The following DNAH5 variants were observed in gnomAD, a reference collection of about 807,000 sequenced individuals.
The protein encoded by DNAH5 is axonemal beta dynein heavy chain 5.
DNAH5 carries 372 observed loss-of-function variants against 518.2 expected under a neutral mutation model. The ratio of observed to expected loss-of-function variants is 0.72; its 90% confidence interval spans 0.66 to 0.78. DNAH5 has a LOEUF of 0.78. Ranked by LOEUF, DNAH5 falls within the 30% of genes least tolerant of loss-of-function variation. The probability of loss-of-function intolerance (pLI) is 0.00; values close to 1 mark genes in which losing one functional copy is unlikely to be tolerated. For synonymous variants in DNAH5, 2,039 were observed against 2,025.9 expected (o/e 1.01, Z -0.17); for missense variants, 5,523 against 5,687.0 (o/e 0.97, Z 0.93).
chr5:13,928,012 T>A, intron 3 of DNAH5, 82 bp downstream of exon 3: 1 of 1,244,974 alleles, frequency 8.0e-7, no homozygotes, highest in Non-Finnish European at 1.2e-6. Context: ...AGGTCCGTTC[T>A]CACAGTAGCT....
intron 75 of DNAH5, 93 bp from the exon 76 acceptor site, chr5:13,708,428 C>T: frequency 9.2e-7 from 1 of 1,089,590 alleles, no homozygotes; most frequent in East Asian, 2.4e-5. Context: ...GGCCCAAATT[C>T]TTACTATTCC....
intron 30 of DNAH5, among the ~76,000 whole-genome samples, chr5:13,858,354 T>A (rs1419289668): frequency 1.3e-5 from 2 of 151,848 alleles, no homozygotes; most frequent in Non-Finnish European, 2.9e-5. Context: ...CACTCATAAG[T>A]GGGAGTTGAA....
At chr5:13,905,744 C>T (rs188565472) in intron 12 of DNAH5, among the ~76,000 whole-genome samples, 4 of 152,252 alleles carry the variant, frequency 2.6e-5, no homozygotes, top group African/African-American at 9.6e-5. Flanking sequence ...AACACTCATA[C>T]TATATGATCC....
At chr5:13,830,338 T>C (rs1580462588) in intron 36 of DNAH5, 125 bp from the exon 37 acceptor site, 5 of 982,284 alleles carry the variant, frequency 5.1e-6, no homozygotes, top group African/African-American at 3.3e-5. Flanking sequence ...GTGCAACAAA[T>C]AGATCTATGC....
At chr5:13,848,811 C>A (rs564034735) in intron 31 of DNAH5, among the ~76,000 whole-genome samples, 1 of 152,152 alleles carries the variant, frequency 6.6e-6, no homozygotes, top group African/African-American at 2.4e-5. Flanking sequence ...TGATGAGGAG[C>A]GGCTGTAAAT....
intron 68 of DNAH5, among the ~76,000 whole-genome samples, chr5:13,734,108 G>A (rs1561134274): frequency 6.6e-6 from 1 of 152,106 alleles, no homozygotes; most frequent in East Asian, 1.9e-4. Flanking sequence ...TGAAGGTGGA[G>A]CCCTTAGGAA....
chr5:13,754,519 C>G (rs564843118), intron 61 of DNAH5, among the ~76,000 whole-genome samples, 181 bp from the exon 62 acceptor site: 1 of 152,128 alleles, frequency 6.6e-6, no homozygotes, highest in Non-Finnish European at 1.5e-5. Context: ...CTCCTTTGCC[C>G]TGTCCTCTCT....
intron 30 of DNAH5, among the ~76,000 whole-genome samples, chr5:13,856,535 C>T (rs1426122666): frequency 6.6e-6 from 1 of 152,024 alleles, no homozygotes; most frequent in East Asian, 1.9e-4. Flanking sequence ...GCATCATCCT[C>T]ATACCAAAAC....
chr5:13,949,312 T>C (rs1200433330), upstream of DNAH5, among the ~76,000 whole-genome samples: 2 of 152,142 alleles, frequency 1.3e-5, no homozygotes, highest in Admixed American at 6.5e-5. Flanking sequence ...CTTTATACAA[T>C]TGCAATTTTA....
chr5:13,990,757 C>T (rs1278390730), intron 1 of DNAH5, among the ~76,000 whole-genome samples: 2 of 151,802 alleles, frequency 1.3e-5, no homozygotes, highest in East Asian at 3.9e-4. Context: ...ATCCCAGCTA[C>T]TTGGGAGGCT....
chr5:13,786,670 T>C (rs1756077120), intron 51 of DNAH5, among the ~76,000 whole-genome samples: 1 of 152,188 alleles, frequency 6.6e-6, no homozygotes, highest in South Asian at 2.1e-4. Context: ...AATGGTCAAG[T>C]GCTGAATGTC....
At chr5:14,004,958 G>A (rs142046656) in intron 1 of DNAH5, among the ~76,000 whole-genome samples, 3 of 152,052 alleles carry the variant, frequency 2.0e-5, no homozygotes, top group African/African-American at 7.2e-5. Flanking sequence ...ACCATCCCAC[G>A]CATGCTTCCA....
In DNAH5 at chr5:13,700,951, G is replaced by T. The variant is rs898517538; in HGVS notation, c.13492-80C>A. 2.1e-6 allele frequency: 3 copies of T among 1,415,620 alleles called. No homozygotes were observed. The African/African-American group carries it at 4.2e-5, about 20-fold the overall frequency. The allele number at this position is 1,415,620 out of a possible 1,614,324, so 87.7% of individuals were successfully genotyped here. ...AGAGCATAACAATAATGAAAGCTTG[G>T]CTCCGAATCACTCTAACTCGAAGGA... On this transcript the variant is annotated intron_variant, in intron 77 of 78. Transcript: ENST00000265104.
Position 13,984,023 on chromosome 5 carries a change from A to G in DNAH5, c.12+27625T>C, listed in dbSNP as rs183716021. 1.6e-3 allele frequency among the ~76,000 whole-genome samples: 246 copies of G among 152,198 alleles called. 1 individual carries two copies. The highest frequency in any genetic ancestry group is 3.4e-3 in the Middle Eastern group (1 of 294). On this transcript the variant is annotated intron_variant, in intron 1 of 78. Coordinates refer to the DNAH5 transcript ENST00000681290. ...CTAATCAGCTGATTTACAAATGGAG[A>G]GATTACCCTGGGTTATCCAGGAGAG...
chr5:13,739,976 C>T (rs1043662918), intron 65 of DNAH5, among the ~76,000 whole-genome samples: 2 of 152,172 alleles, frequency 1.3e-5, no homozygotes, highest in Non-Finnish European at 2.9e-5. Flanking sequence ...ACTTCTCCTA[C>T]TTAGCACCAT....
intron 2 of DNAH5, among the ~76,000 whole-genome samples, chr5:13,930,146 T>C (rs1382611912): frequency 6.6e-6 from 1 of 152,140 alleles, no homozygotes; most frequent in Admixed American, 6.5e-5. Context: ...CCATTCTTAA[T>C]TGTTCCCCAA....
intron 1 of DNAH5, among the ~76,000 whole-genome samples, chr5:13,984,705 C>T (rs1782912939): frequency 6.6e-6 from 1 of 152,164 alleles, no homozygotes; most frequent in African/African-American, 2.4e-5. Context: ...TATGTTCCAT[C>T]AATATCTAAT....
chr5:13,914,711 T>C, intron 9 of DNAH5, 69 bp from the exon 10 acceptor site: 1 of 1,459,400 alleles, frequency 6.9e-7, no homozygotes, highest in Non-Finnish European at 9.5e-7. Context: ...GACTAGAAGG[T>C]CCTTAACTCT....
chr5:13,984,018 TG>T (rs1782861479), intron 1 of DNAH5, among the ~76,000 whole-genome samples: 1 of 152,074 alleles, frequency 6.6e-6, no homozygotes, highest in Admixed American at 6.5e-5. Flanking sequence ...GATTTACAAA[TG>T]GAGAGATTAC....
Sources: gnomAD v4.1 joint callset for allele counts (sites outside exome capture counted in the v4.1 genomes callset) on GRCh38, gnomAD v4.1.1 for gene constraint, MANE v1.5 for transcripts, NCBI Gene and HGNC (gene_info 2026-07-23, HGNC 2026-07-21) for gene names.